The following IREB2 variants were observed in gnomAD, a reference collection of about 807,000 sequenced individuals.
IREB2 encodes the protein iron responsive element binding protein 2.
IREB2 carries 39 observed loss-of-function variants against 118.8 expected under a neutral mutation model. The ratio of observed to expected loss-of-function variants is 0.33; its 90% confidence interval spans 0.25 to 0.43. The LOEUF is 0.43. Among genes scored for constraint, IREB2 ranks in the 20% least tolerant of loss-of-function variants. IREB2 has a pLI of 1.00. For missense variants in IREB2, 900 were observed against 1,147.3 expected, an observed-to-expected ratio of 0.78 and a Z score of 3.11; for synonymous variants, 372 against 392.2, an observed-to-expected ratio of 0.95 and a Z score of 0.61.
intron 14 of IREB2, 139 bp from the exon 15 acceptor site, chr15:78,488,041 A>G: frequency 1.3e-6 from 1 of 750,750 alleles, no homozygotes; most frequent in South Asian, 2.0e-5. Flanking sequence ...CAAGATGCAT[A>G]GTTCTATATT....
At chr15:78,481,486 G>A (rs1014796324) in intron 10 of IREB2, among the ~76,000 whole-genome samples, 1 of 150,992 alleles carries the variant, frequency 6.6e-6, no homozygotes, top group African/African-American at 2.4e-5. Context: ...CTCCCAGGTA[G>A]CTGAGACTAC....
chr15:78,479,831 C>A (rs866763162), intron 10 of IREB2, among the ~76,000 whole-genome samples: 3 of 151,060 alleles, frequency 2.0e-5, no homozygotes, highest in South Asian at 4.2e-4. Context: ...TGAGTAGGGA[C>A]GATGGCTTGA....
In IREB2 at chr15:78,439,854, G is replaced by A. The variant is rs777852733; in HGVS notation, c.79G>A (p.Asp27Asn). ...LNDSSHKKFF[D>N]VSKLGTKYDV... The stretch of plus-strand genomic sequence containing the variant: ...TGACAGTTCACATAAGAAGTTCTTC[G>A]ATGTATCTAAACTTGGCACCAAGTA... Residue 27 changes from aspartate to asparagine, a missense_variant, in exon 2 of 22, where the codon GAT (aspartate) becomes AAT (asparagine). By Grantham distance (23) the Asp-to-Asn change is conservative. Transcript: ENST00000258886. 5.0e-6 allele frequency: 8 copies of A among 1,602,652 alleles called. No homozygotes were observed. Among genetic ancestry groups the A allele is most frequent in the Admixed American group, 1.7e-5 (1 of 59,058 alleles).
intron 2 of IREB2, among the ~76,000 whole-genome samples, chr15:78,446,983 A>G (rs977396619): frequency 1.3e-5 from 2 of 152,158 alleles, no homozygotes; most frequent in African/African-American, 4.8e-5. Context: ...AATGAAGAGA[A>G]GAAAAAAAAC....
At chr15:78,444,035 C>T (rs1397047483) in intron 2 of IREB2, among the ~76,000 whole-genome samples, 2 of 151,638 alleles carry the variant, frequency 1.3e-5, no homozygotes. Flanking sequence ...TAGGTAGTCT[C>T]AAAATGTAGA....
intron 2 of IREB2, among the ~76,000 whole-genome samples, chr15:78,454,467 G>C (rs1264787326): frequency 6.6e-6 from 1 of 152,202 alleles, no homozygotes; most frequent in Non-Finnish European, 1.5e-5. Context: ...AAATGCCCAG[G>C]AAAGGCATAG....
At chr15:78,470,688 C>A (rs879223799) in intron 6 of IREB2, 87 bp downstream of exon 6, 2 of 404,874 alleles carry the variant, frequency 4.9e-6, no homozygotes, top group East Asian at 4.2e-5. Context: ...TTTTTCTTTT[C>A]CTTTTTTTTT....
In IREB2 at chr15:78,483,272, A is replaced by T. The variant is rs1209997292; in HGVS notation, c.1297-46A>T. On this transcript the variant is annotated intron_variant, in intron 10 of 21. Transcript: ENST00000258886. ...AATGCTTCAATTGGAATCTGTCGTAAGGAATTAATTCTAATTCCTTGTTCT... is the reference window on the plus strand; with the variant it reads ...AATGCTTCAATTGGAATCTGTCGTATGGAATTAATTCTAATTCCTTGTTCT... The T allele has an allele frequency of 1.6e-5, 14 of 893,660 alleles. No homozygotes were observed. The South Asian group carries it at 1.8e-4, about 12-fold the overall frequency. The allele number at this position is 893,660 out of a possible 1,614,324, so 55.4% of individuals were successfully genotyped here. A position where few individuals can be genotyped will look rare whatever the true frequency, so the allele number is the denominator to read the frequency against.
At chr15:78,459,736 G>A (rs2051166559) in intron 2 of IREB2, among the ~76,000 whole-genome samples, 1 of 152,204 alleles carries the variant, frequency 6.6e-6, no homozygotes, top group African/African-American at 2.4e-5. Flanking sequence ...TGTTGAAACA[G>A]TATCCAAATA....
intron 10 of IREB2, chr15:78,480,315 A>C (rs896197991): frequency 2.6e-5 from 4 of 152,158 alleles, no homozygotes; most frequent in African/African-American, 4.8e-5. Flanking sequence ...ATTTTTTAAA[A>C]TCCATAAATG....
chr15:78,486,423 G>T (rs2051660283), intron 13 of IREB2, among the ~76,000 whole-genome samples: 1 of 152,040 alleles, frequency 6.6e-6, no homozygotes, highest in Non-Finnish European at 1.5e-5. Flanking sequence ...TGGCCAATAT[G>T]GTGAAACCCC....
chr15:78,472,491 C>G (rs959410745), intron 7 of IREB2, among the ~76,000 whole-genome samples: 5 of 152,098 alleles, frequency 3.3e-5, no homozygotes, highest in Non-Finnish European at 7.4e-5. Context: ...CTCAACCTCC[C>G]AAGTAGCTGG....
rs1227325889 is a variant in IREB2 at position 78,500,501 on chromosome 15, T to G, written c.*2358T>G. On this transcript the variant is annotated 3_prime_UTR_variant, in exon 22 of 22. Transcript: ENST00000258886. ...TCTGTTAGTTTTTATTGTCTGTGTC[T>G]TCTTTGTTTACTATACCTTGGGTAA... The G allele has an allele frequency of 6.6e-6, 1 of 150,846 alleles. No individual in the cohort carries two copies. The highest frequency in any genetic ancestry group is 1.5e-5 in the Non-Finnish European group (1 of 67,926). The allele number at this position is 150,846 out of a possible 1,614,324, so 9.3% of individuals were successfully genotyped here. A position where few individuals can be genotyped will look rare whatever the true frequency, so the allele number is the denominator to read the frequency against.
At chr15:78,475,949 C>T (rs2051462401) in intron 8 of IREB2, 2 of 323,916 alleles carry the variant, frequency 6.2e-6, no homozygotes, top group Non-Finnish European at 5.6e-6. Flanking sequence ...TTATAGCCAC[C>T]TTGAGCTTTC....
At chr15:78,494,354 T>G in intron 20 of IREB2, 90 bp downstream of exon 20, 1 of 1,313,722 alleles carries the variant, frequency 7.6e-7, no homozygotes, top group Non-Finnish European at 1.1e-6. Context: ...TTTATCTGGA[T>G]TTTTTATAGT....
intron 18 of IREB2, among the ~76,000 whole-genome samples, chr15:78,493,259 A>G (rs2051781511): frequency 6.6e-6 from 1 of 152,200 alleles, no homozygotes; most frequent in South Asian, 2.1e-4. Context: ...TCTTCAGTAT[A>G]GATGTGGGAC....
In IREB2 at chr15:78,489,186, C is replaced by T. The variant is rs755456600; in HGVS notation, c.2076+415C>T. On this transcript the variant is annotated intron_variant, in intron 16 of 21. Transcript: ENST00000258886. Reference sequence around the variant, plus strand: ...GCGGTGATCCGAGATCGCGCCACTGCACTCCAGCCTGGGCAACAAGAGTGC... The same window carrying T: ...GCGGTGATCCGAGATCGCGCCACTGTACTCCAGCCTGGGCAACAAGAGTGC... 4.5e-4 allele frequency among the ~76,000 whole-genome samples: 68 copies of T among 150,810 alleles called. 1 individual carries two copies. Among genetic ancestry groups the T allele is most frequent in the Non-Finnish European group, 8.1e-4 (55 of 67,840 alleles).
chr15:78,481,008 C>CA (rs758467876), intron 10 of IREB2, among the ~76,000 whole-genome samples: 425 of 126,420 alleles, frequency 3.4e-3, no homozygotes, highest in Non-Finnish European at 4.2e-3. Context: ...GACTCTGTCT[C>CA]AAAAAAAAAA....
At chr15:78,494,316 C>A in intron 20 of IREB2, 52 bp downstream of exon 20, 1 of 1,560,272 alleles carries the variant, frequency 6.4e-7, no homozygotes, top group South Asian at 1.2e-5. Flanking sequence ...TTTAACTGTT[C>A]CCTTTTGTCA....
Sources: allele counts gnomAD v4.1 joint callset (sites outside exome capture counted in the v4.1 genomes callset), GRCh38; gene constraint gnomAD v4.1.1; transcripts MANE v1.5; gene names NCBI Gene and HGNC (gene_info 2026-07-23, HGNC 2026-07-21).